The following MYLK3 variants were observed in gnomAD, a reference collection of about 807,000 sequenced individuals.
MYLK3 encodes the protein myosin light chain kinase 3, also known as MLC kinase.
In MYLK3, 55 loss-of-function variants were observed where a neutral mutation model predicts 76.3. That is an observed-to-expected ratio of 0.72 (90% CI 0.58 to 0.90). The LOEUF (loss-of-function observed/expected upper bound fraction) is 0.90, where lower values mean the gene tolerates loss of function less well. MYLK3 is among the 40% of genes least tolerant of loss of function. MYLK3 has a pLI of 0.00. For synonymous variants in MYLK3, 416 were observed against 425.4 expected, an observed-to-expected ratio of 0.98 and a Z score of 0.27; for missense variants, 973 against 1,053.6, an observed-to-expected ratio of 0.92 and a Z score of 1.06.
intron 8 of MYLK3, among the ~76,000 whole-genome samples, chr16:46,723,704 G>A (rs931534442): frequency 1.4e-5 from 2 of 144,370 alleles, no homozygotes; most frequent in Non-Finnish European, 3.0e-5. Context: ...AGGCTGGAGT[G>A]CAGTGCCCTG....
Position 46,732,345 on chromosome 16 carries a change from G to T in MYLK3, c.1325C>A (p.Ala442Asp). The T allele has an allele frequency of 6.2e-7, 1 of 1,613,238 alleles. No individual in the cohort carries two copies. Among genetic ancestry groups the T allele is most frequent in the Non-Finnish European group, 8.5e-7 (1 of 1,180,024 alleles). The change falls in exon 4 of 13, where the codon GCC becomes GAC. Residue 442 changes from alanine (A) to aspartate (D), a missense_variant. Ala to Asp is a moderately radical substitution (Grantham distance 126). Transcript: ENST00000394809. ...GCTTTTGCCCTGCTGCAGGCCCAGG[G>T]CCCCAACCTCGTGGTCATTGTCGTC... ...RSDDNDHEVG[A>D]LGLQQGKSPG...
At chr16:46,717,135 A>T (rs1596750134) in intron 9 of MYLK3, among the ~76,000 whole-genome samples, 1 of 152,152 alleles carries the variant, frequency 6.6e-6, no homozygotes, top group African/African-American at 2.4e-5. Context: ...ACTTGTGACC[A>T]CTGTCTGGGG....
At chr16:46,739,331 G>C (rs1406939150) in intron 2 of MYLK3, among the ~76,000 whole-genome samples, 1 of 152,042 alleles carries the variant, frequency 6.6e-6, no homozygotes, top group Non-Finnish European at 1.5e-5. Context: ...TTTGACTTTG[G>C]AACCACATAA....
intron 3 of MYLK3, among the ~76,000 whole-genome samples, chr16:46,736,229 C>T (rs952571501): frequency 6.6e-6 from 1 of 152,090 alleles, no homozygotes; most frequent in Admixed American, 6.5e-5. Context: ...CCCAGGCTGG[C>T]CTCAAGCTCC....
chr16:46,738,366 T>C (rs1434167113), intron 2 of MYLK3, among the ~76,000 whole-genome samples: 1 of 152,268 alleles, frequency 6.6e-6, no homozygotes, highest in Non-Finnish European at 1.5e-5. Context: ...TATGGAAGCC[T>C]GGGCAACACA....
chr16:46,738,983 G>C (rs1966889199), intron 2 of MYLK3, among the ~76,000 whole-genome samples: 2 of 152,154 alleles, frequency 1.3e-5, no homozygotes, highest in Non-Finnish European at 2.9e-5. Context: ...TGGGATTACA[G>C]GCACATGCCA....
At chr16:46,757,076 T>C (rs1967210095) in intron 1 of MYLK3, among the ~76,000 whole-genome samples, 1 of 152,164 alleles carries the variant, frequency 6.6e-6, no homozygotes, top group Non-Finnish European at 1.5e-5. Context: ...ATTGCTGGAA[T>C]GCACTGAGGA....
At chr16:46,742,591 C>T (rs1487019073) in intron 1 of MYLK3, among the ~76,000 whole-genome samples, 1 of 152,164 alleles carries the variant, frequency 6.6e-6, no homozygotes, top group East Asian at 1.9e-4. Flanking sequence ...CCAAATGTCT[C>T]CCCAACCCTA....
intron 8 of MYLK3, among the ~76,000 whole-genome samples, chr16:46,725,477 T>G (rs182514358): frequency 3.5e-4 from 54 of 152,362 alleles, no homozygotes; most frequent in African/African-American, 1.3e-3. Context: ...ATTATTTTCA[T>G]CATGAAAAGT....
At chr16:46,739,800 A>G (rs1334155534) in intron 2 of MYLK3, among the ~76,000 whole-genome samples, 2 of 152,206 alleles carry the variant, frequency 1.3e-5, no homozygotes, top group Non-Finnish European at 2.9e-5. Flanking sequence ...ATTATACTTG[A>G]ATTTTCAACT....
At chr16:46,716,107 T>C (rs1166626649) in intron 9 of MYLK3, among the ~76,000 whole-genome samples, 1 of 152,206 alleles carries the variant, frequency 6.6e-6, no homozygotes, top group Non-Finnish European at 1.5e-5. Context: ...TCCTGCATTA[T>C]CATGGGTTTT....
At chr16:46,712,565 C>T (rs1240241538) in intron 10 of MYLK3, 83 bp downstream of exon 10, 3 of 1,316,484 alleles carry the variant, frequency 2.3e-6, no homozygotes, top group Non-Finnish European at 3.0e-6. Context: ...ACTACTTGTG[C>T]TCAAAATTTT....
At position 46,748,095 on chromosome 16, in the gene MYLK3, G is replaced by T; in HGVS notation, c.99C>A (p.Asn33Lys). ...TTMDTKLNML[N>K]EKVDQLLHFQ... ...AGTGCAGGAGCTGGTCCACCTTCTC[G>T]TTCAGCATGTTCAGCTTTGTGTCCA... Residue 33 changes from asparagine to lysine, a missense_variant, in exon 1 of 13, where the codon AAC becomes AAA. Asn to Lys is a moderately conservative substitution (Grantham distance 94). Coordinates refer to ENST00000394809, the MANE Select transcript of MYLK3 (RefSeq NM_182493.3). This position sits in a 1 kb window ranked among gnomAD's most constrained non-coding sequence, Gnocchi z 4.3. The T allele has an allele frequency of 1.2e-6, 2 of 1,614,224 alleles. No homozygotes were observed. Among genetic ancestry groups the T allele is most frequent in the Non-Finnish European group, 1.7e-6 (2 of 1,180,038 alleles).
At chr16:46,744,332 T>TTC (rs1966984474) in intron 1 of MYLK3, among the ~76,000 whole-genome samples, 2 of 129,338 alleles carry the variant, frequency 1.5e-5, no homozygotes, top group African/African-American at 3.0e-5. Context: ...ACACCCAGCT[T>TTC]TTTTTTTTTT....
chr16:46,716,044 A>G (rs2143013098), intron 9 of MYLK3, among the ~76,000 whole-genome samples: 1 of 152,218 alleles, frequency 6.6e-6, no homozygotes, highest in East Asian at 1.9e-4. Context: ...TTTTCAGTCC[A>G]CCTCACAGCC....
rs765121520 is a variant in MYLK3, at chr16:46,738,148, A to G, written c.569-5T>C. ...GCACGTCCGCCTTCTGGCTCTCTAC[A>G]GGAAAACAGGCAGGACAAAAATGCA... On this transcript the variant is annotated splice_region_variant and splice_polypyrimidine_tract_variant and intron_variant, in intron 2 of 12. Transcript: ENST00000394809. 33 of 1,511,388 alleles carry G rather than the reference A, an allele frequency of 2.2e-5. No individual in the cohort carries two copies. In the African/African-American group the frequency reaches 2.5e-4, roughly 11 times the overall value. 93.6% of individuals were successfully genotyped at this position (1,511,388 alleles called of 1,614,324 possible).
intron 3 of MYLK3, among the ~76,000 whole-genome samples, chr16:46,736,119 C>CA (rs1966867537): frequency 6.6e-6 from 1 of 152,186 alleles, no homozygotes; most frequent in South Asian, 2.1e-4. Flanking sequence ...GTGATCCTCC[C>CA]ACCTCAGCCT....
intron 3 of MYLK3, among the ~76,000 whole-genome samples, chr16:46,736,287 A>G (rs573646776): frequency 6.6e-6 from 1 of 152,296 alleles, no homozygotes; most frequent in African/African-American, 2.4e-5. Flanking sequence ...TGCTGGGATC[A>G]AGGCATGAGC....
At chr16:46,733,491 C>A (rs1223705522) in intron 3 of MYLK3, among the ~76,000 whole-genome samples, 1 of 152,232 alleles carries the variant, frequency 6.6e-6, no homozygotes, top group Non-Finnish European at 1.5e-5. Context: ...CACTTCAGCA[C>A]AGGCCCTGCG....
Sources: allele counts gnomAD v4.1 joint callset (sites outside exome capture counted in the v4.1 genomes callset), GRCh38; gene constraint gnomAD v4.1.1; non-coding constraint Gnocchi (gnomAD v3.1); transcripts MANE v1.5; gene names NCBI Gene and HGNC (gene_info 2026-07-23, HGNC 2026-07-21).